Variants in SOX4 observed in about 807,000 individuals in gnomAD.
The protein encoded by SOX4 is SRY-box transcription factor 4.
For synonymous variants in SOX4, 465 were observed against 348.4 expected (o/e 1.33, Z -3.73); for missense variants, 662 against 694.9 (o/e 0.95, Z 0.53).
Position 21,595,956 on chromosome 6 carries a change from C to T in SOX4, c.1422C>T (p.Tyr474=), listed in dbSNP as rs1291061054. ...ESSISNLVFT[Y] is the part of the protein sequence containing the mutation. ...GCATCTCCAACCTGGTTTTCACCTA[C>T]TGAAGGGCGCGCAGGCAGGGAGAAG... Residue 474 remains tyrosine, a synonymous_variant, in exon 1 of 1, where the codon TAC becomes TAT. Coordinates refer to ENST00000244745, the MANE Select transcript of SOX4 (RefSeq NM_003107.3). The T allele has an allele frequency of 2.5e-5, 38 of 1,529,740 alleles. No homozygotes were observed. The highest frequency in any genetic ancestry group is 3.3e-5 in the Non-Finnish European group (37 of 1,135,618). 94.8% of individuals were successfully genotyped at this position (1,529,740 alleles called of 1,614,324 possible). A position where few individuals can be genotyped will look rare whatever the true frequency, so the allele number is the denominator to read the frequency against.
In SOX4 at chr6:21,595,388, G is replaced by T; in HGVS notation, c.854G>T (p.Gly285Val). Residue 285 changes from glycine to valine, a missense_variant, in exon 1 of 1, where the codon GGC becomes GTC. Physicochemically the swap from Gly to Val is moderately radical, Grantham distance 109. Transcript: ENST00000244745. ...GCCTCCGCAGCGCTCGCGGCCCCGG[G>T]CAAGCACCTGGCGGAGAAGAAGGTG... ...ASASAALAAP[G>V]KHLAEKKVKR... 1 of 1,537,776 alleles carries T rather than the reference G, an allele frequency of 6.5e-7. No homozygotes were observed. The highest frequency in any genetic ancestry group is 1.4e-5 in the African/African-American group (1 of 70,118).
In SOX4 at chr6:21,595,686, C is replaced by G; in HGVS notation, c.1152C>G (p.Ser384=). Residue 384 remains serine, a synonymous_variant, in exon 1 of 1, where the codon TCC becomes TCG. Coordinates refer to ENST00000244745, the MANE Select transcript of SOX4 (RefSeq NM_003107.3). ...CGCACGCGTCCTCCTCGGCCTCGTC[C>G]CACTCCTCCTCTTCCTCCTCCTCGG... ...APSHASSSAS[S]HSSSSSSSGS... 1 of 1,584,234 alleles carries G rather than the reference C, an allele frequency of 6.3e-7. No individual in the cohort carries two copies. Among genetic ancestry groups the G allele is most frequent in the Non-Finnish European group, 8.6e-7 (1 of 1,165,776 alleles).
At position 21,596,124 on chromosome 6, in the gene SOX4, G is replaced by C; in HGVS notation, c.*165G>C. 8.1e-7 allele frequency: 1 copy of C among 1,229,094 alleles called. No individual in the cohort carries two copies. The highest frequency in any genetic ancestry group is 1.1e-6 in the Non-Finnish European group (1 of 937,626). 76.1% of individuals were successfully genotyped at this position (1,229,094 alleles called of 1,614,324 possible). A position where few individuals can be genotyped will look rare whatever the true frequency, so the allele number is the denominator to read the frequency against. ...CCCGCGTTCTCGTCGTCGGATCAAG[G>C]AGCGCGGCGGCGTTTTGGACCCGCG... On this transcript the variant is annotated 3_prime_UTR_variant, in exon 1 of 1. Coordinates refer to ENST00000244745, the MANE Select transcript of SOX4 (RefSeq NM_003107.3).
At position 21,596,794 on chromosome 6, in the gene SOX4, C is replaced by G. The variant is rs1582604029; in HGVS notation, c.*835C>G. 1 of 166,808 alleles carries G rather than the reference C, an allele frequency of 6.0e-6. No homozygotes were observed. The highest frequency in any genetic ancestry group is 2.1e-4 in the South Asian group (1 of 4,804). The allele number at this position is 166,808 out of a possible 1,614,324, so 10.3% of individuals were successfully genotyped here. A position where few individuals can be genotyped will look rare whatever the true frequency, so the allele number is the denominator to read the frequency against. ...AACTGGAAGGGGGTTCACGGTCAAA[C>G]TGAAATGGATTTGCACGTTGGGGAG... On this transcript the variant is annotated 3_prime_UTR_variant, in exon 1 of 1. Transcript: ENST00000244745.
rs766617660 is a variant in SOX4 at position 21,595,434 on chromosome 6, C to G, written c.900C>G (p.Gly300=). The change falls in exon 1 of 1, where the codon GGC becomes GGG. Residue 300 remains glycine (G), a synonymous_variant. Transcript: ENST00000244745. ...EKKVKRVYLF[G]GLGTSSSPVG... Reference sequence around the variant, plus strand: ...AGGTGAAGCGCGTCTACCTGTTCGGCGGCCTGGGCACGTCGTCGTCGCCCG... The same window carrying G: ...AGGTGAAGCGCGTCTACCTGTTCGGGGGCCTGGGCACGTCGTCGTCGCCCG... 7.2e-6 allele frequency: 11 copies of G among 1,517,564 alleles called. No individual in the cohort carries two copies. In the East Asian group the frequency reaches 3.0e-4, roughly 41 times the overall value. 94.0% of individuals were successfully genotyped at this position (1,517,564 alleles called of 1,614,324 possible).
chr6:21,595,842 C>T lies in SOX4; in HGVS notation c.1308C>T (p.Phe436=). 6.2e-7 allele frequency: 1 copy of T among 1,612,708 alleles called. No individual in the cohort carries two copies. The highest frequency in any genetic ancestry group is 8.5e-7 in the Non-Finnish European group (1 of 1,179,664). The change falls in exon 1 of 1, where the codon TTC becomes TTT. Residue 436 remains phenylalanine, a synonymous_variant. Coordinates refer to ENST00000244745, the MANE Select transcript of SOX4 (RefSeq NM_003107.3). ...TCGACCGGGACCTGGATTTTAACTT[C>T]GAGCCCGGCTCCGGCTCGCACTTCG... ...SALDRDLDFN[F]EPGSGSHFEF...
Position 21,594,296 on chromosome 6 carries a change from T to C in SOX4, c.-239T>C. ...GCGAGAGAGAGGGAGAGAGAGACTC[T>C]CCAGCCTGGGAACTATAACTCCTCT... is the stretch of plus-strand genomic sequence containing the variant. On this transcript the variant is annotated 5_prime_UTR_variant, in exon 1 of 1. Coordinates refer to ENST00000244745, the MANE Select transcript of SOX4 (RefSeq NM_003107.3). 1 of 415,088 alleles carries C rather than the reference T, an allele frequency of 2.4e-6. No homozygotes were observed. Among genetic ancestry groups the C allele is most frequent in the Non-Finnish European group, 4.1e-6 (1 of 244,222 alleles). 25.7% of individuals were successfully genotyped at this position (415,088 alleles called of 1,614,324 possible). A position where few individuals can be genotyped will look rare whatever the true frequency, so the allele number is the denominator to read the frequency against.
In SOX4 at chr6:21,595,109, A is replaced by C. The variant is rs1225593713; in HGVS notation, c.575A>C (p.Lys192Thr). ...GGASGGGANS[K>T]PAQKKSCGSK... ...GCGAGTGGCGGCGGCGCCAACTCCA[A>C]ACCGGCGCAGAAAAAGAGCTGCGGC... The change falls in exon 1 of 1, where the codon AAA becomes ACA. Residue 192 changes from lysine (K) to threonine (T), a missense_variant. Physicochemically the swap from Lys to Thr is moderately conservative, Grantham distance 78 (BLOSUM62 -1). Transcript: ENST00000244745. 2 of 1,382,094 alleles carry C rather than the reference A, an allele frequency of 1.4e-6. No individual in the cohort carries two copies. The highest frequency in any genetic ancestry group is 1.5e-5 in the African/African-American group (1 of 64,982). 85.6% of individuals were successfully genotyped at this position (1,382,094 alleles called of 1,614,324 possible).
At position 21,595,794 on chromosome 6, in the gene SOX4, C is replaced by A. The variant is rs138718279; in HGVS notation, c.1260C>A (p.Gly420=). Residue 420 remains glycine, a synonymous_variant, in exon 1 of 1, where the codon GGC becomes GGA. Transcript: ENST00000244745. ...PSSNFESMSL[G]SFSSSSALDR... ...CAAACTTTGAGAGCATGTCCCTGGG[C>A]AGCTTCAGTTCGTCGTCGGCGCTCG... is the stretch of plus-strand genomic sequence containing the variant. 1.2e-6 allele frequency: 2 copies of A among 1,613,488 alleles called. No individual in the cohort carries two copies. Among genetic ancestry groups the A allele is most frequent in the African/African-American group, 2.7e-5 (2 of 74,924 alleles).
At position 21,594,650 on chromosome 6, in the gene SOX4, C is replaced by T; in HGVS notation, c.116C>T (p.Thr39Ile). Reference protein sequence around the residue: ...GIASSPTPGSTASTGGKADDP... With the variant: ...GIASSPTPGSIASTGGKADDP... ...GCCTCCTCCCCCACGCCCGGCTCCA[C>T]CGCCTCCACGGGCGGCAAGGCCGAC... The change falls in exon 1 of 1, where the codon ACC becomes ATC. Residue 39 changes from threonine (T) to isoleucine (I), a missense_variant. Physicochemically the swap from Thr to Ile is moderately conservative, Grantham distance 89. Transcript: ENST00000244745. 2 of 1,602,906 alleles carry T rather than the reference C, an allele frequency of 1.2e-6. No individual in the cohort carries two copies. The highest frequency in any genetic ancestry group is 1.7e-6 in the Non-Finnish European group (2 of 1,175,536).
rs1763093336 is a variant in SOX4 at position 21,594,510 on chromosome 6, C to T, written c.-25C>T. 10 of 1,464,996 alleles carry T rather than the reference C, an allele frequency of 6.8e-6. No homozygotes were observed. Among genetic ancestry groups the T allele is most frequent in the Non-Finnish European group, 8.9e-6 (10 of 1,117,820 alleles). The allele number at this position is 1,464,996 out of a possible 1,614,324, so 90.7% of individuals were successfully genotyped here. ...CGGCCGCCGCGAGGGTGTGAGCGCG[C>T]GTGGGCGCCCGCCGAGCCGAGGCCA... On this transcript the variant is annotated 5_prime_UTR_variant, in exon 1 of 1. Transcript: ENST00000244745.
chr6:21,595,189 A>T lies in SOX4; in HGVS notation c.655A>T (p.Ile219Phe). The change falls in exon 1 of 1, where the codon ATC (isoleucine) becomes TTC (phenylalanine). Residue 219 changes from isoleucine to phenylalanine, a missense_variant. Ile to Phe is a conservative substitution (Grantham distance 21). Coordinates refer to ENST00000244745, the MANE Select transcript of SOX4 (RefSeq NM_003107.3). ...GGVSKPHAKL[I>F]LAGGGGGGKA... ...GGTTAGCAAACCGCACGCCAAGCTC[A>T]TCCTGGCAGGCGGCGGCGGCGGCGG... 1.6e-6 allele frequency: 2 copies of T among 1,246,704 alleles called. No homozygotes were observed. The highest frequency in any genetic ancestry group is 2.0e-6 in the Non-Finnish European group (2 of 1,000,346). 77.2% of individuals were successfully genotyped at this position (1,246,704 alleles called of 1,614,324 possible).
chr6:21,595,556 G>A lies in SOX4; in HGVS notation c.1022G>A (p.Gly341Asp). Reference protein sequence around the residue: ...GCSPDAPSLSGRSSAASSPAA... With the variant: ...GCSPDAPSLSDRSSAASSPAA... ...TCGCCCGACGCGCCCAGCCTGAGCG[G>A]CCGCAGCAGCGCCGCCTCGTCCCCC... Residue 341 changes from glycine to aspartate, a missense_variant, in exon 1 of 1, where the codon GGC (glycine) becomes GAC (aspartate). Coordinates refer to ENST00000244745, the MANE Select transcript of SOX4 (RefSeq NM_003107.3). 1 of 1,203,796 alleles carries A rather than the reference G, an allele frequency of 8.3e-7. No individual in the cohort carries two copies. The highest frequency in any genetic ancestry group is 1.0e-6 in the Non-Finnish European group (1 of 970,958). The allele number at this position is 1,203,796 out of a possible 1,614,324, so 74.6% of individuals were successfully genotyped here. A position where few individuals can be genotyped will look rare whatever the true frequency, so the allele number is the denominator to read the frequency against.
rs755830616 is a variant in SOX4, at chr6:21,597,557, C to G, written c.*1598C>G. 1.9e-4 allele frequency: 25 copies of G among 128,362 alleles called. No individual in the cohort carries two copies. Among genetic ancestry groups the G allele is most frequent in the Non-Finnish European group, 5.2e-5 (3 of 57,878 alleles). The allele number at this position is 128,362 out of a possible 1,614,324, so 8.0% of individuals were successfully genotyped here. A position where few individuals can be genotyped will look rare whatever the true frequency, so the allele number is the denominator to read the frequency against. On this transcript the variant is annotated 3_prime_UTR_variant, in exon 1 of 1. Transcript: ENST00000244745. ...TTTTTTTTTTGGTAGTTGTTGTTACCCACGCCATTTTACGTCTCCTTCACT... is the reference window on the plus strand; with the variant it reads ...TTTTTTTTTTGGTAGTTGTTGTTACGCACGCCATTTTACGTCTCCTTCACT...
Position 21,594,699 on chromosome 6 carries a change from G to A in SOX4, c.165G>A (p.Pro55=), listed in dbSNP as rs1471703351. 4 of 1,597,172 alleles carry A rather than the reference G, an allele frequency of 2.5e-6. No individual in the cohort carries two copies. The highest frequency in any genetic ancestry group is 2.6e-6 in the Non-Finnish European group (3 of 1,172,282). Residue 55 remains proline, a synonymous_variant, in exon 1 of 1, where the codon CCG becomes CCA. Coordinates refer to ENST00000244745, the MANE Select transcript of SOX4 (RefSeq NM_003107.3). ...ACGACCCGAGCTGGTGCAAGACCCC[G>A]AGTGGGCACATCAAGCGACCCATGA... ...KADDPSWCKT[P]SGHIKRPMNA...
chr6:21,595,348 T>G lies in SOX4; in HGVS notation c.814T>G (p.Ser272Ala), dbSNP rs775391562. 6.6e-6 allele frequency: 10 copies of G among 1,514,572 alleles called. No individual in the cohort carries two copies. Among genetic ancestry groups the G allele is most frequent in the African/African-American group, 5.7e-5 (4 of 69,648 alleles). 93.8% of individuals were successfully genotyped at this position (1,514,572 alleles called of 1,614,324 possible). A position where few individuals can be genotyped will look rare whatever the true frequency, so the allele number is the denominator to read the frequency against. Residue 272 changes from serine (S) to alanine (A), a missense_variant, in exon 1 of 1, where the codon TCC becomes GCC. Physicochemically the swap from Ser to Ala is moderately conservative, Grantham distance 99. Transcript: ENST00000244745. ...ARTPSASASA[S>A]SAASASAALA... ...GACTCCCAGCGCCTCGGCCTCCGCC[T>G]CCTCGGCAGCCTCGGCCTCCGCAGC...
Position 21,598,132 on chromosome 6 carries a change from C to T in SOX4, c.*2173C>T, listed in dbSNP as rs895982070. 1 of 166,814 alleles carries T rather than the reference C, an allele frequency of 6.0e-6. No homozygotes were observed. The highest frequency in any genetic ancestry group is 1.5e-5 in the Non-Finnish European group (1 of 68,114). The allele number at this position is 166,814 out of a possible 1,614,324, so 10.3% of individuals were successfully genotyped here. ...TAAATGCCGATTTGAGTTCGCGACA[C>T]TATGTACTGCGTTTTTCATTCTTGT... On this transcript the variant is annotated 3_prime_UTR_variant, in exon 1 of 1. Transcript: ENST00000244745.
At position 21,594,834 on chromosome 6, in the gene SOX4, C is replaced by A. The variant is rs1763101077; in HGVS notation, c.300C>A (p.Leu100=). 2.5e-6 allele frequency: 4 copies of A among 1,610,950 alleles called. No individual in the cohort carries two copies. The highest frequency in any genetic ancestry group is 1.7e-4 in the Middle Eastern group (1 of 6,058). ...SKRLGKRWKL[L]KDSDKIPFIR... ...GGCTGGGCAAACGCTGGAAGCTGCTCAAAGACAGCGACAAGATCCCTTTCA... is the reference window on the plus strand; with the variant it reads ...GGCTGGGCAAACGCTGGAAGCTGCTAAAAGACAGCGACAAGATCCCTTTCA... Residue 100 remains leucine, a synonymous_variant, in exon 1 of 1, where the codon CTC becomes CTA. Transcript: ENST00000244745.
chr6:21,594,841 A>G lies in SOX4; in HGVS notation c.307A>G (p.Ser103Gly), dbSNP rs1413168912. 3 of 1,611,456 alleles carry G rather than the reference A, an allele frequency of 1.9e-6. No homozygotes were observed. Among genetic ancestry groups the G allele is most frequent in the African/African-American group, 1.3e-5 (1 of 74,904 alleles). Residue 103 changes from serine to glycine, a missense_variant, in exon 1 of 1, where the codon AGC becomes GGC. By Grantham distance (56) the Ser-to-Gly change is moderately conservative (BLOSUM62 0). Transcript: ENST00000244745. ...LGKRWKLLKD[S>G]DKIPFIREAE... Reference sequence around the variant, plus strand: ...CAAACGCTGGAAGCTGCTCAAAGACAGCGACAAGATCCCTTTCATTCGAGA... The same window carrying G: ...CAAACGCTGGAAGCTGCTCAAAGACGGCGACAAGATCCCTTTCATTCGAGA...
Sources: gnomAD v4.1 joint callset for allele counts on GRCh38, gnomAD v4.1.1 for gene constraint, MANE v1.5 for transcripts, NCBI Gene and HGNC (gene_info 2026-07-23, HGNC 2026-07-21) for gene names.